The following CST3 variants were observed in gnomAD, a reference collection of about 807,000 sequenced individuals.
CST3 encodes the protein cystatin C.
In CST3, 14 loss-of-function variants were observed where a neutral mutation model predicts 9.0. The observed-to-expected ratio is 1.56, with a 90% CI of 1.03 to 2.44. The LOEUF is 2.44. CST3 is among the 30% of genes most tolerant of loss of function. The pLI, the probability that CST3 is intolerant of heterozygous loss-of-function variation, is 0.00. For synonymous variants in CST3, 96 were observed against 90.2 expected, an observed-to-expected ratio of 1.06 and a Z score of -0.37; for missense variants, 237 against 204.3, an observed-to-expected ratio of 1.16 and a Z score of -0.98.
chr20:23,637,124 G>A (rs917859493), intron 1 of CST3, among the ~76,000 whole-genome samples: 3 of 152,218 alleles, frequency 2.0e-5, no homozygotes, highest in Non-Finnish European at 4.4e-5. Flanking sequence ...AAGATCTACA[G>A]GGATGCCCTG....
chr20:23,631,535 T>C (rs1979452491), downstream of CST3, among the ~76,000 whole-genome samples: 1 of 152,206 alleles, frequency 6.6e-6, no homozygotes, highest in Admixed American at 6.5e-5. Flanking sequence ...CAACTTTCTT[T>C]CTAAGAAACT....
At chr20:23,633,620 G>A, downstream of CST3, 2 of 562,634 alleles carry the variant, frequency 3.6e-6, no homozygotes, top group Admixed American at 3.0e-5. Context: ...AACCCTGCCT[G>A]TGTGCACATC....
exon 4 of CST3, chr20:23,627,784 G>A (rs1010117): frequency 2.6e-5 from 4 of 151,948 alleles, no homozygotes; most frequent in Admixed American, 6.5e-5. Flanking sequence ...TGTTATGCAC[G>A]TTTTTATGCG....
intron 1 of CST3, among the ~76,000 whole-genome samples, chr20:23,636,204 A>C (rs1042386925): frequency 8.5e-5 from 13 of 152,208 alleles, no homozygotes; most frequent in African/African-American, 2.7e-4. Context: ...CCTCCTGTGC[A>C]GGGAGAGGGC....
chr20:23,632,999 A>G (rs1439571686), downstream of CST3, among the ~76,000 whole-genome samples: 1 of 152,192 alleles, frequency 6.6e-6, no homozygotes, highest in Non-Finnish European at 1.5e-5. Flanking sequence ...CCAAGTCCAG[A>G]GAAAGGGCTG....
exon 4 of CST3, chr20:23,628,326 GTTAC>G (rs1979327291): frequency 6.6e-6 from 1 of 152,226 alleles, no homozygotes; most frequent in Non-Finnish European, 1.5e-5. Flanking sequence ...AATAAGGGAA[GTTAC>G]AGCCAATTTC....
chr20:23,637,504 G>A (rs1226201123), intron 1 of CST3, 116 bp downstream of exon 1: 15 of 1,037,098 alleles, frequency 1.4e-5, no homozygotes, highest in Non-Finnish European at 2.0e-5. Context: ...CCGGGAACAG[G>A]GTCCGGGTGA....
intron 2 of CST3, 48 bp downstream of exon 2, chr20:23,635,206 A>ACT (rs1555808092): frequency 1.4e-5 from 19 of 1,386,292 alleles, no homozygotes; most frequent in Non-Finnish European, 1.9e-5. Flanking sequence ...ACACACACAC[A>ACT]CCCCTCTGCA....
At position 23,637,788 on chromosome 20, in the gene CST3, G is replaced by A. The variant is rs753942448; in HGVS notation, c.75C>T (p.Ala25=). Reference sequence around the variant, plus strand: ...GCGGCGGCTTGCCGGGACTGGAGCCGGCCGCGGGGCTCACGGCCAGGGCCA... The same window carrying A: ...GCGGCGGCTTGCCGGGACTGGAGCCAGCCGCGGGGCTCACGGCCAGGGCCA... ...LAVALAVSPA[A]GSSPGKPPRL... is the part of the protein sequence containing the mutation. Residue 25 remains alanine, a synonymous_variant, in exon 1 of 3, where the codon GCC becomes GCT. Transcript: ENST00000376925. 2.0e-6 allele frequency: 3 copies of A among 1,525,602 alleles called. No homozygotes were observed. The highest frequency in any genetic ancestry group is 1.4e-5 in the African/African-American group (1 of 69,794). 94.5% of individuals were successfully genotyped at this position (1,525,602 alleles called of 1,614,324 possible). A position where few individuals can be genotyped will look rare whatever the true frequency, so the allele number is the denominator to read the frequency against.
At chr20:23,636,815 A>G (rs1233976531) in intron 1 of CST3, among the ~76,000 whole-genome samples, 3 of 152,230 alleles carry the variant, frequency 2.0e-5, no homozygotes, top group Non-Finnish European at 4.4e-5. Context: ...TCATGCACTC[A>G]TGGCCCAGGA....
intron 1 of CST3, 62 bp from the exon 2 acceptor site, chr20:23,635,429 G>A (rs1169686517): frequency 9.2e-6 from 13 of 1,417,492 alleles, no homozygotes; most frequent in Admixed American, 1.9e-5. Flanking sequence ...TACACACACA[G>A]GCACTTCACT....
At chr20:23,635,125 A>G in intron 2 of CST3, 129 bp downstream of exon 2, 1 of 820,538 alleles carries the variant, frequency 1.2e-6, no homozygotes, top group Admixed American at 2.0e-5. Flanking sequence ...ACACATATGC[A>G]TCTCCACGTG....
At chr20:23,636,597 C>T (rs117928472) in intron 1 of CST3, among the ~76,000 whole-genome samples, 22 of 152,160 alleles carry the variant, frequency 1.4e-4, no homozygotes, top group Admixed American at 1.2e-3. Context: ...GACAAGGTGC[C>T]AGGCTCACGT....
Position 23,637,883 on chromosome 20 carries a change from G to A in CST3, c.-21C>T. The A allele has an allele frequency of 7.2e-7, 1 of 1,384,882 alleles. No homozygotes were observed. The highest frequency in any genetic ancestry group is 9.3e-7 in the Non-Finnish European group (1 of 1,079,624). The allele number at this position is 1,384,882 out of a possible 1,614,324, so 85.8% of individuals were successfully genotyped here. On this transcript the variant is annotated 5_prime_UTR_variant, in exon 1 of 3. Transcript: ENST00000376925. ...GCCATGGTCGGCTAGGACGCGGGAC[G>A]CGGGGAGTGGGGCGCAGGCGAGAGG...
chr20:23,635,545 G>C (rs567554641), intron 1 of CST3, among the ~76,000 whole-genome samples, 178 bp from the exon 2 acceptor site: 9 of 152,216 alleles, frequency 5.9e-5, no homozygotes, highest in Non-Finnish European at 1.2e-4. Flanking sequence ...CAGCTGGCAG[G>C]GATGCCATGC....
downstream of CST3, among the ~76,000 whole-genome samples, chr20:23,629,738 G>C (rs2424575): frequency 0.59 from 69,633 of 118,066 alleles, 16,777 homozygotes; most frequent in Middle Eastern, 0.68. Context: ...GACTGGTGGG[G>C]GGGGGAGGGG....
intron 2 of CST3, 86 bp from the exon 3 acceptor site, chr20:23,634,085 G>C: frequency 9.2e-7 from 1 of 1,090,016 alleles, no homozygotes; most frequent in Admixed American, 1.8e-5. Flanking sequence ...GAGTGGGAGT[G>C]AAGAAGGATG....
chr20:23,634,060 A>C, intron 2 of CST3, 61 bp from the exon 3 acceptor site: 1 of 1,363,150 alleles, frequency 7.3e-7, no homozygotes, highest in Non-Finnish European at 1.0e-6. Flanking sequence ...GAAGATGCCC[A>C]GGCACGGGAC....
chr20:23,637,910 T>TGGAGCTAGATAGAGA lies in CST3; in HGVS notation c.-63_-49dup, dbSNP rs11467210. 3.9e-3 allele frequency: 5,160 copies of TGGAGCTAGATAGAGA among 1,335,622 alleles called. 254 individuals are homozygous for TGGAGCTAGATAGAGA. In the East Asian group the frequency reaches 0.12, roughly 31 times the overall value. The allele number at this position is 1,335,622 out of a possible 1,614,324, so 82.7% of individuals were successfully genotyped here. Reference sequence around the variant, plus strand: ...GGGGAGTGGGGCGCAGGCGAGAGGCTGGAGCTAGATAGAGAGGACCCGCTG... The same window carrying TGGAGCTAGATAGAGA: ...GGGGAGTGGGGCGCAGGCGAGAGGCTGGAGCTAGATAGAGAGGAGCTAGATAGAGAGGACCCGCTG... On this transcript the variant is annotated 5_prime_UTR_variant, in exon 1 of 3. Transcript: ENST00000376925.
Sources: gnomAD v4.1 joint callset for allele counts (sites outside exome capture counted in the v4.1 genomes callset) on GRCh38, gnomAD v4.1.1 for gene constraint, MANE v1.5 for transcripts, NCBI Gene and HGNC (gene_info 2026-07-23, HGNC 2026-07-21) for gene names.